CNTN5: variants seen among roughly 807,000 people sequenced by gnomAD.
CNTN5 encodes the protein contactin-5.
CNTN5 carries 77 observed loss-of-function variants against 129.1 expected under a neutral mutation model. The ratio of observed to expected loss-of-function variants is 0.60; its 90% confidence interval spans 0.50 to 0.72. CNTN5 has a LOEUF of 0.72. Ranked by LOEUF, CNTN5 falls within the 30% of genes least tolerant of loss-of-function variation. The pLI, the probability that CNTN5 is intolerant of heterozygous loss-of-function variation, is 0.00. For synonymous variants in CNTN5, 509 were observed against 465.6 expected (o/e 1.09, Z -1.20); for missense variants, 1,478 against 1,328.8 (o/e 1.11, Z -1.75).
intron 3 of CNTN5, among the ~76,000 whole-genome samples, chr11:99,720,541 A>G (rs1304988318): frequency 2.0e-5 from 3 of 152,284 alleles, no homozygotes; most frequent in Middle Eastern, 3.4e-3. Context: ...CCCCTGGCCA[A>G]CATTATACTG....
intron 1 of CNTN5, among the ~76,000 whole-genome samples, chr11:99,167,912 C>A (rs1860952528): frequency 6.6e-6 from 1 of 151,540 alleles, no homozygotes; most frequent in Non-Finnish European, 1.5e-5. Context: ...ACCCCAAAGC[C>A]TATTTTTAAA....
chr11:99,649,190 A>C (rs1025116168), intron 3 of CNTN5, among the ~76,000 whole-genome samples: 10 of 151,728 alleles, frequency 6.6e-5, no homozygotes, highest in Admixed American at 4.6e-4. Flanking sequence ...TTTAAAAATA[A>C]ATAATATTGA....
At chr11:100,271,303 G>A in intron 18 of CNTN5, 62 bp downstream of exon 18, 1 of 1,274,448 alleles carries the variant, frequency 7.8e-7, no homozygotes. Context: ...AAAGTGAGTT[G>A]AATTAACCAT....
chr11:99,563,100 A>T (rs904215997), intron 3 of CNTN5, among the ~76,000 whole-genome samples: 2 of 152,134 alleles, frequency 1.3e-5, no homozygotes, highest in African/African-American at 4.8e-5. Flanking sequence ...ATGAAAGGCA[A>T]ATTATAAATT....
chr11:99,830,847 C>A (rs1331990334), intron 4 of CNTN5, among the ~76,000 whole-genome samples: 2 of 152,108 alleles, frequency 1.3e-5, no homozygotes, highest in African/African-American at 2.4e-5. Flanking sequence ...TCTTTATTCT[C>A]TTTCAGCACT....
intron 2 of CNTN5, among the ~76,000 whole-genome samples, chr11:99,519,046 T>C (rs1039120222): frequency 5.9e-5 from 9 of 152,004 alleles, no homozygotes; most frequent in Non-Finnish European, 1.2e-4. Context: ...CCATTTCTCC[T>C]GGAATAAAGA....
intron 2 of CNTN5, among the ~76,000 whole-genome samples, chr11:99,434,924 T>A (rs549040036): frequency 6.6e-6 from 1 of 152,318 alleles, no homozygotes; most frequent in Admixed American, 6.5e-5. Context: ...TTGGTACGTA[T>A]GATTTAAGAT....
At chr11:99,033,925 T>C (rs1185434324) in intron 1 of CNTN5, among the ~76,000 whole-genome samples, 3 of 151,192 alleles carry the variant, frequency 2.0e-5, no homozygotes, top group South Asian at 2.1e-4. Context: ...TAGCTCTTAT[T>C]ATTTTGAAAT....
chr11:100,038,972 A>T (rs1350425946), intron 9 of CNTN5, among the ~76,000 whole-genome samples: 4 of 152,162 alleles, frequency 2.6e-5, no homozygotes, highest in Admixed American at 2.6e-4. Flanking sequence ...ATTTACATTT[A>T]AGGTTAATAT....
At chr11:99,890,164 G>A (rs1226011393) in intron 6 of CNTN5, among the ~76,000 whole-genome samples, 1 of 152,094 alleles carries the variant, frequency 6.6e-6, no homozygotes, top group African/African-American at 2.4e-5. Flanking sequence ...GCAATAAAGT[G>A]GAAGAATGTA....
At chr11:99,184,377 CT>C (rs1449822627) in intron 1 of CNTN5, among the ~76,000 whole-genome samples, 1 of 152,040 alleles carries the variant, frequency 6.6e-6, no homozygotes, top group Non-Finnish European at 1.5e-5. Flanking sequence ...AGAAAGCCTC[CT>C]GCTCTCACCA....
intron 6 of CNTN5, among the ~76,000 whole-genome samples, chr11:99,902,416 C>G (rs1427884723): frequency 6.6e-6 from 1 of 152,058 alleles, no homozygotes; most frequent in Non-Finnish European, 1.5e-5. Context: ...TCTGCCTAAC[C>G]TTGAACTAGA....
At chr11:100,312,704 CTA>C (rs1270191223) in intron 21 of CNTN5, among the ~76,000 whole-genome samples, 1 of 151,966 alleles carries the variant, frequency 6.6e-6, no homozygotes, top group Non-Finnish European at 1.5e-5. Flanking sequence ...AATATCAGTC[CTA>C]TGAGTCACTT....
At chr11:99,357,818 TTATATC>T (rs2136099864) in intron 2 of CNTN5, among the ~76,000 whole-genome samples, 1 of 151,602 alleles carries the variant, frequency 6.6e-6, no homozygotes, top group African/African-American at 2.4e-5. Context: ...CATCTGTTAT[TTATATC>T]TATATGTGTC....
Position 99,890,385 on chromosome 11 carries a change from TTATATA to T in CNTN5, c.578-25661_578-25656del, listed in dbSNP as rs375073490. Among the ~76,000 whole-genome samples the T allele has an allele frequency of 3.0e-4, 45 of 151,492 alleles. No individual in the cohort carries two copies. In the South Asian group the frequency reaches 9.1e-3, roughly 31 times the overall value. On this transcript the variant is annotated intron_variant, in intron 6 of 24. Transcript: ENST00000524871. ...GAAATATATTCCTTCTCTCTCTTCC[TTATATA>T]TATATATCAGTATCAATTCATAGAT...
intron 9 of CNTN5, among the ~76,000 whole-genome samples, chr11:100,040,611 G>T (rs914488118): frequency 6.6e-6 from 1 of 152,186 alleles, no homozygotes; most frequent in Admixed American, 6.5e-5. Flanking sequence ...GCTGTGGTGG[G>T]CTCCACCCAG....
intron 6 of CNTN5, among the ~76,000 whole-genome samples, chr11:99,900,318 A>AT (rs945372127): frequency 3.7e-4 from 55 of 150,494 alleles, no homozygotes; most frequent in African/African-American, 1.1e-3. Flanking sequence ...AAAATCTTAT[A>AT]TTTTTTGTGT....
chr11:100,288,152 A>G (rs567625702), intron 18 of CNTN5, among the ~76,000 whole-genome samples: 2 of 152,292 alleles, frequency 1.3e-5, no homozygotes, highest in South Asian at 4.1e-4. Context: ...CCCACACATT[A>G]ATAATGGGAG....
At chr11:100,277,937 ATT>A (rs1950550698) in intron 18 of CNTN5, among the ~76,000 whole-genome samples, 2 of 152,026 alleles carry the variant, frequency 1.3e-5, no homozygotes, top group Non-Finnish European at 2.9e-5. Flanking sequence ...GTAGTTTCAT[ATT>A]TTGAGGTCTT....
Sources: allele counts gnomAD v4.1 joint callset (sites outside exome capture counted in the v4.1 genomes callset), GRCh38; gene constraint gnomAD v4.1.1; transcripts MANE v1.5; gene names NCBI Gene and HGNC (gene_info 2026-07-23, HGNC 2026-07-21).